METTL15: variants seen among roughly 807,000 people sequenced by gnomAD.
METTL15 encodes the protein methyltransferase 15, mitochondrial 12S rRNA N4-cytidine, also known as 12S rRNA N(4)-cytidine methyltransferase METTL15.
METTL15 carries 34 observed loss-of-function variants against 38.3 expected under a neutral mutation model. The ratio of observed to expected loss-of-function variants is 0.89; its 90% CI spans 0.68 to 1.18. The LOEUF (loss-of-function observed/expected upper bound fraction) is 1.18, where lower values mean the gene tolerates loss of function less well. Ranked by LOEUF, METTL15 falls within the 50% of genes most tolerant of loss-of-function variation. METTL15 has a pLI of 0.00. For synonymous variants in METTL15, 162 were observed against 170.9 expected (o/e 0.95, Z 0.41); for missense variants, 438 against 498.4 (o/e 0.88, Z 1.15).
chr11:28,240,736 G>A (rs555089489), intron 4 of METTL15, among the ~76,000 whole-genome samples: 9 of 152,022 alleles, frequency 5.9e-5, no homozygotes, highest in Admixed American at 2.6e-4. Context: ...AACTTGAATC[G>A]GTCTTAACCA....
At chr11:28,131,486 AC>A (rs1849334010) in intron 3 of METTL15, among the ~76,000 whole-genome samples, 1 of 139,416 alleles carries the variant, frequency 7.2e-6, no homozygotes, top group African/African-American at 2.6e-5. Flanking sequence ...CTTCCTTTCT[AC>A]TATACTTCCA....
At chr11:28,237,979 A>G (rs1056682438) in intron 4 of METTL15, among the ~76,000 whole-genome samples, 1 of 152,096 alleles carries the variant, frequency 6.6e-6, no homozygotes, top group African/African-American at 2.4e-5. Flanking sequence ...TTCTCAGAGG[A>G]GTACCCGGCC....
intron 3 of METTL15, among the ~76,000 whole-genome samples, chr11:28,147,438 T>C (rs1849926159): frequency 6.6e-6 from 1 of 151,866 alleles, no homozygotes; most frequent in Non-Finnish European, 1.5e-5. Context: ...TTGATTGAAA[T>C]TGAGACACAT....
At chr11:28,448,300 A>G (rs1179504235) in intron 6 of METTL15, among the ~76,000 whole-genome samples, 2 of 152,184 alleles carry the variant, frequency 1.3e-5, no homozygotes, top group African/African-American at 4.8e-5. Flanking sequence ...CTGCATGAAT[A>G]GATCTCTGGT....
intron 5 of METTL15, among the ~76,000 whole-genome samples, chr11:28,293,965 A>G (rs1023708361): frequency 9.2e-5 from 14 of 152,128 alleles, no homozygotes; most frequent in Non-Finnish European, 1.9e-4. Context: ...GGCTGAGACG[A>G]TGGGGTTTTC....
At chr11:28,297,140 A>G (rs1856770382) in intron 6 of METTL15, among the ~76,000 whole-genome samples, 1 of 151,842 alleles carries the variant, frequency 6.6e-6, no homozygotes, top group Non-Finnish European at 1.5e-5. Flanking sequence ...CTTCTCCCCC[A>G]AAAAACCTCT....
At chr11:28,357,150 A>G (rs997102655) in intron 4 of METTL15, among the ~76,000 whole-genome samples, 5 of 152,226 alleles carry the variant, frequency 3.3e-5, no homozygotes, top group Non-Finnish European at 5.9e-5. Context: ...TGTAAGGCTG[A>G]TAGAGTAGAC....
intron 5 of METTL15, among the ~76,000 whole-genome samples, chr11:28,381,402 T>G (rs1850382451): frequency 6.6e-6 from 1 of 152,198 alleles, no homozygotes; most frequent in African/African-American, 2.4e-5. Flanking sequence ...TTATCTCTTT[T>G]GCAAGTTTTG....
intron 6 of METTL15, among the ~76,000 whole-genome samples, chr11:28,311,020 G>A (rs1184694904): frequency 1.3e-5 from 2 of 150,760 alleles, no homozygotes; most frequent in African/African-American, 4.9e-5. Flanking sequence ...GAGAGAGAGA[G>A]AGAGGAAGAG....
At chr11:28,338,094 T>C (rs1382148494), downstream of METTL15, among the ~76,000 whole-genome samples, 2 of 151,846 alleles carry the variant, frequency 1.3e-5, no homozygotes, top group East Asian at 3.9e-4. Flanking sequence ...TTTTTTCCTG[T>C]CTTCACCAAG....
At chr11:28,438,713 C>T (rs1318665598) in intron 6 of METTL15, among the ~76,000 whole-genome samples, 6 of 127,526 alleles carry the variant, frequency 4.7e-5, no homozygotes, top group South Asian at 2.4e-4. Flanking sequence ...CTCGCTCTGT[C>T]GCACAGACTG....
At chr11:28,464,796 C>T (rs1179302631) in intron 6 of METTL15, among the ~76,000 whole-genome samples, 1 of 152,222 alleles carries the variant, frequency 6.6e-6, no homozygotes, top group African/African-American at 2.4e-5. Context: ...CCAATGAGAA[C>T]TATTTCCTCT....
chr11:28,376,265 G>T (rs1850310565), intron 5 of METTL15, among the ~76,000 whole-genome samples: 1 of 151,796 alleles, frequency 6.6e-6, no homozygotes, highest in South Asian at 2.1e-4. Context: ...TTGACAGTGG[G>T]GTGTTAAAGT....
At chr11:28,125,147 T>C (rs532655138) in intron 3 of METTL15, among the ~76,000 whole-genome samples, 1 of 152,222 alleles carries the variant, frequency 6.6e-6, no homozygotes, top group South Asian at 2.1e-4. Flanking sequence ...AATATCATGT[T>C]AGTAATAGAA....
rs762227484 is a variant in METTL15, at chr11:28,184,944, G to T, written c.271-26118G>T. ...GAATGGTCTGATAGACAGTTCCTGA[G>T]TAAAGGAAATATATTGAAAGTTTAT... On this transcript the variant is annotated intron_variant, in intron 3 of 6. Coordinates refer to ENST00000407364, the MANE Select transcript of METTL15 (RefSeq NM_001113528.2). Among the ~76,000 whole-genome samples the T allele has an allele frequency of 7.3e-5, 11 of 151,442 alleles. No homozygotes were observed. In the Admixed American group the frequency reaches 7.3e-4, roughly 10 times the overall value.
intron 4 of METTL15, among the ~76,000 whole-genome samples, chr11:28,228,143 A>T (rs1853553184): frequency 6.6e-6 from 1 of 151,910 alleles, no homozygotes; most frequent in Admixed American, 6.6e-5. Context: ...TTATTCTCAC[A>T]GAAGACTTTC....
intron 6 of METTL15, among the ~76,000 whole-genome samples, chr11:28,456,565 C>T (rs577127036): frequency 4.0e-5 from 6 of 149,092 alleles, no homozygotes; most frequent in East Asian, 2.1e-4. Flanking sequence ...CCTCAGTCCC[C>T]GAGTAGCTGG....
chr11:28,150,161 T>C (rs1850031054), intron 3 of METTL15, among the ~76,000 whole-genome samples: 1 of 151,862 alleles, frequency 6.6e-6, no homozygotes, highest in African/African-American at 2.4e-5. Flanking sequence ...CCTACAGTGC[T>C]CTTTTGTGTC....
intron 3 of METTL15, chr11:28,197,579 TG>T: frequency 2.3e-6 from 1 of 431,932 alleles, no homozygotes; most frequent in Admixed American, 2.5e-5. Context: ...AAGGATTTCC[TG>T]GTGGTATAGT....
Sources: allele counts gnomAD v4.1 joint callset (sites outside exome capture counted in the v4.1 genomes callset), GRCh38; gene constraint gnomAD v4.1.1; transcripts MANE v1.5; gene names NCBI Gene and HGNC (gene_info 2026-07-23, HGNC 2026-07-21).